KIF27: variants seen among roughly 807,000 people sequenced by gnomAD.
KIF27 encodes kinesin family member 27, also known as kinesin-like protein KIF27.
In KIF27, 84 loss-of-function variants were observed where a neutral mutation model predicts 141.8. The observed-to-expected ratio is 0.59, with a 90% CI of 0.50 to 0.71. The LOEUF (loss-of-function observed/expected upper bound fraction) is 0.71, where lower values mean the gene tolerates loss of function less well. KIF27 is among the 30% of genes least tolerant of loss of function. KIF27 has a pLI of 0.00. For missense variants in KIF27, 1,306 were observed against 1,628.4 expected, an observed-to-expected ratio of 0.80 and a Z score of 3.41; for synonymous variants, 471 against 569.5, an observed-to-expected ratio of 0.83 and a Z score of 2.46.
intron 5 of KIF27, among the ~76,000 whole-genome samples, chr9:83,892,220 T>C (rs548682741): frequency 6.6e-6 from 1 of 152,338 alleles, no homozygotes; most frequent in East Asian, 1.9e-4. Context: ...ACTTCACATG[T>C]ACTACAATGT....
chr9:83,852,305 T>C (rs1948695034), intron 15 of KIF27, among the ~76,000 whole-genome samples: 1 of 147,194 alleles, frequency 6.8e-6, no homozygotes, highest in Non-Finnish European at 1.5e-5. Context: ...CAAAAAAAAT[T>C]AGCCAGGTGT....
At position 83,848,185 on chromosome 9, in the gene KIF27, G is replaced by A. The variant is rs1197779383; in HGVS notation, c.3556+1914C>T. ...ATGATATATCTGATATATCATATATGATATATATGATATATCAGATATGAT... is the reference window on the plus strand; with the variant it reads ...ATGATATATCTGATATATCATATATAATATATATGATATATCAGATATGAT... On this transcript the variant is annotated intron_variant, in intron 16 of 17. Transcript: ENST00000297814. Among the ~76,000 whole-genome samples, 2 of 28,186 alleles carry A rather than the reference G, an allele frequency of 7.1e-5. 1 individual carries two copies. 18.5% of individuals were successfully genotyped at this position (28,186 alleles called of 152,430 possible). A position where few individuals can be genotyped will look rare whatever the true frequency, so the allele number is the denominator to read the frequency against.
chr9:83,888,627 C>A (rs11140284), intron 7 of KIF27, 35 bp from the exon 8 acceptor site: 163,435 of 1,274,420 alleles, frequency 0.13, 11,509 homozygotes, highest in African/African-American at 0.22. Flanking sequence ...CTTATTTGTT[C>A]GTGTTTTCTA....
chr9:83,886,854 A>C (rs1231926587), intron 9 of KIF27, among the ~76,000 whole-genome samples, 187 bp downstream of exon 9: 2 of 152,214 alleles, frequency 1.3e-5, no homozygotes, highest in Non-Finnish European at 2.9e-5. Context: ...CAGAGGTGAA[A>C]TCCCAAAACA....
intron 13 of KIF27, among the ~76,000 whole-genome samples, chr9:83,866,690 ATATGG>A (rs1370785583): frequency 6.6e-6 from 1 of 152,086 alleles, no homozygotes; most frequent in Non-Finnish European, 1.5e-5. Context: ...AGTCTGACCA[ATATGG>A]TGAAACCCAG....
chr9:83,894,663 A>G (rs1180905214), intron 5 of KIF27, among the ~76,000 whole-genome samples: 1 of 152,132 alleles, frequency 6.6e-6, no homozygotes, highest in African/African-American at 2.4e-5. Context: ...TGTTGTCACA[A>G]CTCATTGCTG....
Position 83,883,808 on chromosome 9 carries a change from A to G in KIF27, c.2445+5T>C, listed in dbSNP as rs1951865671. The stretch of plus-strand genomic sequence containing the variant: ...AAGTTTTCTCAATTACATTTTTTAA[A>G]TTACCTGAACTCTCAGCTTTGCAGC... On this transcript the variant is annotated splice_donor_5th_base_variant and intron_variant, in intron 10 of 17. Coordinates refer to ENST00000297814, the MANE Select transcript of KIF27 (RefSeq NM_017576.4). 1.3e-6 allele frequency: 2 copies of G among 1,596,634 alleles called. No homozygotes were observed. Among genetic ancestry groups the G allele is most frequent in the Middle Eastern group, 1.7e-4 (1 of 6,046 alleles).
intron 16 of KIF27, among the ~76,000 whole-genome samples, chr9:83,843,935 T>C (rs1255934172): frequency 1.3e-5 from 2 of 152,094 alleles, no homozygotes; most frequent in Non-Finnish European, 2.9e-5. Context: ...TACTACTGAG[T>C]GTCAACTTGT....
intron 15 of KIF27, among the ~76,000 whole-genome samples, chr9:83,853,119 C>T (rs539466044): frequency 6.6e-6 from 1 of 152,260 alleles, no homozygotes; most frequent in Non-Finnish European, 1.5e-5. Flanking sequence ...GTAAAAAATA[C>T]ATTTTAATTG....
rs578196768 is a variant in KIF27 at position 83,857,098 on chromosome 9, G to A, written c.3150+2058C>T. On this transcript the variant is annotated intron_variant, in intron 14 of 17. Coordinates refer to ENST00000297814, the MANE Select transcript of KIF27 (RefSeq NM_017576.4). Reference sequence around the variant, plus strand: ...TTTACCAAAAAAAAAAAAAAAAAGCGGTGTGACTTGTCTGTAGTAAATTGT... The same window carrying A: ...TTTACCAAAAAAAAAAAAAAAAAGCAGTGTGACTTGTCTGTAGTAAATTGT... 2.2e-4 allele frequency among the ~76,000 whole-genome samples: 33 copies of A among 147,554 alleles called. No homozygotes were observed. The South Asian group carries it at 6.4e-3, about 28-fold the overall frequency.
At chr9:83,910,342 A>G (rs1258593273) in intron 2 of KIF27, among the ~76,000 whole-genome samples, 1 of 152,188 alleles carries the variant, frequency 6.6e-6, no homozygotes, top group Non-Finnish European at 1.5e-5. Context: ...AGACCAATCT[A>G]TTTCACAGTC....
intron 2 of KIF27, among the ~76,000 whole-genome samples, chr9:83,912,766 G>A (rs1237621389): frequency 2.0e-5 from 3 of 152,192 alleles, no homozygotes; most frequent in Admixed American, 2.0e-4. Flanking sequence ...GGTATTTAAA[G>A]AGTACACAAA....
chr9:83,899,928 T>C, intron 4 of KIF27, 124 bp from the exon 5 acceptor site: 1 of 719,808 alleles, frequency 1.4e-6, no homozygotes, highest in Non-Finnish European at 2.1e-6. Context: ...TTTTTCATTT[T>C]CAACTTTTTC....
intron 1 of KIF27, among the ~76,000 whole-genome samples, chr9:83,917,848 A>AAATT: frequency 6.6e-6 from 1 of 152,340 alleles, no homozygotes; most frequent in South Asian, 2.1e-4. Flanking sequence ...AAAACTCTTA[A>AAATT]AAGACAGGAG....
chr9:83,842,656 T>A (rs1946723780), intron 16 of KIF27, among the ~76,000 whole-genome samples: 1 of 151,952 alleles, frequency 6.6e-6, no homozygotes, highest in South Asian at 2.1e-4. Flanking sequence ...TTAGTAGAGA[T>A]GGGGTTTCAT....
chr9:83,883,867 T>C lies in KIF27; in HGVS notation c.2391A>G (p.Val797=). ...NKDLSDVAMK[V]KLQKEFRKKM... is the part of the protein sequence containing the mutation. ...TTTTACGAAACTCTTTCTGTAATTT[T>C]ACCTTCATTGCAACATCAGAAAGAT... The change falls in exon 10 of 18, where the codon GTA becomes GTG. Residue 797 remains valine, a synonymous_variant. Coordinates refer to ENST00000297814, the MANE Select transcript of KIF27 (RefSeq NM_017576.4). 2 of 1,613,494 alleles carry C rather than the reference T, an allele frequency of 1.2e-6. No individual in the cohort carries two copies. Among genetic ancestry groups the C allele is most frequent in the South Asian group, 1.1e-5 (1 of 91,068 alleles).
intron 5 of KIF27, among the ~76,000 whole-genome samples, chr9:83,893,997 A>C (rs1160000406): frequency 1.3e-5 from 2 of 152,164 alleles, no homozygotes; most frequent in Non-Finnish European, 2.9e-5. Context: ...AGACTATCAT[A>C]AACAAACTTA....
At chr9:83,851,318 G>A (rs1262143622) in intron 15 of KIF27, among the ~76,000 whole-genome samples, 2 of 152,176 alleles carry the variant, frequency 1.3e-5, no homozygotes, top group Admixed American at 6.5e-5. Context: ...CAGAATGGAT[G>A]TTATAAATAA....
chr9:83,850,498 G>A (rs1239523896), intron 15 of KIF27, among the ~76,000 whole-genome samples: 1 of 152,106 alleles, frequency 6.6e-6, no homozygotes, highest in Non-Finnish European at 1.5e-5. Flanking sequence ...TTGGAGTTCA[G>A]GCCAGGCACA....
Sources: allele counts gnomAD v4.1 joint callset (sites outside exome capture counted in the v4.1 genomes callset), GRCh38; gene constraint gnomAD v4.1.1; transcripts MANE v1.5; gene names NCBI Gene and HGNC (gene_info 2026-07-23, HGNC 2026-07-21).